MROH1: variants seen among roughly 807,000 people sequenced by gnomAD.
MROH1 encodes the protein maestro heat-like repeat-containing protein family member 1.
Under a neutral mutation model 116.5 loss-of-function variants are expected in MROH1, and 117 were observed. The observed-to-expected ratio is 1.00, with a 90% CI of 0.86 to 1.17. The LOEUF (loss-of-function observed/expected upper bound fraction) is 1.17. Ranked by LOEUF, MROH1 falls within the 50% of genes most tolerant of loss-of-function variation. MROH1 has a pLI of 0.00. For missense variants in MROH1, 1,873 were observed against 1,338.5 expected, an observed-to-expected ratio of 1.40 and a Z score of -6.23; for synonymous variants, 921 against 583.9, an observed-to-expected ratio of 1.58 and a Z score of -8.32.
intron 33 of MROH1, chr8:144,254,375 C>T (rs1843332939): frequency 6.2e-6 from 1 of 161,266 alleles, no homozygotes; most frequent in Admixed American, 6.2e-5. Flanking sequence ...TCTGCAAACG[C>T]TGAGCGTAGC....
intron 31 of MROH1, among the ~76,000 whole-genome samples, chr8:144,248,275 T>G (rs1253836196): frequency 3.3e-5 from 5 of 152,028 alleles, no homozygotes; most frequent in Non-Finnish European, 7.4e-5. Flanking sequence ...AACACAAGCT[T>G]GAGTATTATT....
intron 14 of MROH1, among the ~76,000 whole-genome samples, chr8:144,231,445 A>G (rs1000713234): frequency 6.6e-6 from 1 of 152,178 alleles, no homozygotes; most frequent in Non-Finnish European, 1.5e-5. Flanking sequence ...TTCCTCTCAC[A>G]TGAACACATA....
At chr8:144,212,122 C>T (rs1013949454) in intron 12 of MROH1, among the ~76,000 whole-genome samples, 3 of 150,652 alleles carry the variant, frequency 2.0e-5, no homozygotes, top group African/African-American at 5.0e-5. Flanking sequence ...CTCACTCTGT[C>T]GCCCAGGGTG....
At chr8:144,232,462 CTTTG>C (rs753104982) in intron 14 of MROH1, among the ~76,000 whole-genome samples, 3,564 of 150,796 alleles carry the variant, frequency 0.024, 46 homozygotes, top group Middle Eastern at 0.051. Flanking sequence ...AGATTGAGTG[CTTTG>C]TTTGTTTGTT....
intron 28 of MROH1, 119 bp downstream of exon 28, chr8:144,244,658 T>C: frequency 1.5e-6 from 1 of 688,638 alleles, no homozygotes; most frequent in Non-Finnish European, 2.7e-6. Context: ...TCTCTGCACT[T>C]GGGGGTGGTT....
At position 144,182,167 on chromosome 8, in the gene MROH1, G is replaced by A. The variant is rs1045865259; in HGVS notation, c.562+1644G>A. 3.3e-5 allele frequency among the ~76,000 whole-genome samples: 5 copies of A among 152,246 alleles called. No homozygotes were observed. The highest frequency in any genetic ancestry group is 1.2e-4 in the African/African-American group (5 of 41,470). ...TATCAACCGGGTGAGGCCTAGTGGT[G>A]GGGGCGGTGGCAGGCCTGCGTCCAC... On this transcript the variant is annotated intron_variant, in intron 7 of 43. Coordinates refer to ENST00000326134, the MANE Select transcript of MROH1 (RefSeq NM_032450.3). This position sits in a 1 kb window ranked among gnomAD's most constrained non-coding sequence, Gnocchi z 4.1.
chr8:144,200,704 G>T (rs962809417), intron 12 of MROH1, 163 bp downstream of exon 12: 4 of 619,936 alleles, frequency 6.5e-6, no homozygotes, highest in Admixed American at 2.6e-5. Flanking sequence ...TTTTTGAAAA[G>T]TTGCAAGGGT....
chr8:144,202,049 G>A (rs1461515039), intron 12 of MROH1, among the ~76,000 whole-genome samples: 1 of 151,960 alleles, frequency 6.6e-6, no homozygotes, highest in Non-Finnish European at 1.5e-5. Flanking sequence ...AAAGCAGCAG[G>A]GCCAAGGGAG....
chr8:144,179,329 C>T (rs1824928672), intron 4 of MROH1, 126 bp from the exon 5 acceptor site: 1 of 1,376,538 alleles, frequency 7.3e-7, no homozygotes, highest in South Asian at 1.4e-5. Flanking sequence ...TCAGGTGTAC[C>T]CCTCCCCTCC....
chr8:144,240,903 A>T, intron 20 of MROH1, 89 bp from the exon 21 acceptor site: 1 of 712,004 alleles, frequency 1.4e-6, no homozygotes. Context: ...TGTGGGCAGG[A>T]GGTGCACCCC....
chr8:144,199,827 C>T (rs1005382050), intron 11 of MROH1, among the ~76,000 whole-genome samples: 4 of 152,292 alleles, frequency 2.6e-5, no homozygotes, highest in East Asian at 3.9e-4. Context: ...ACACAAGATC[C>T]GCAGGAGGGG....
At position 144,261,221 on chromosome 8, in the gene MROH1, G is replaced by A. The variant is rs1237279795; in HGVS notation, c.4774+5G>A. ...CTGCTGCACCCCTGTTCACCGGTAA[G>A]CACCACCCCCTGCCCCACCCCCACG... On this transcript the variant is annotated splice_donor_5th_base_variant and intron_variant, in intron 42 of 43. Coordinates refer to ENST00000326134, the MANE Select transcript of MROH1 (RefSeq NM_032450.3). 22 of 763,522 alleles carry A rather than the reference G, an allele frequency of 2.9e-5. No individual in the cohort carries two copies. The Admixed American group carries it at 3.4e-4, about 12-fold the overall frequency. The allele number at this position is 763,522 out of a possible 1,614,324, so 47.3% of individuals were successfully genotyped here.
chr8:144,188,112 T>C (rs935302139), intron 7 of MROH1, among the ~76,000 whole-genome samples: 2 of 152,194 alleles, frequency 1.3e-5, no homozygotes, highest in African/African-American at 4.8e-5. Context: ...TTTAAAGTGA[T>C]TTCTTAAGAT....
chr8:144,258,573 C>T (rs1844367386), intron 35 of MROH1, among the ~76,000 whole-genome samples: 1 of 152,202 alleles, frequency 6.6e-6, no homozygotes, highest in Non-Finnish European at 1.5e-5. Flanking sequence ...CACCTCCAAG[C>T]CAACATCTGC....
intron 4 of MROH1, among the ~76,000 whole-genome samples, chr8:144,169,478 A>T (rs1821882672): frequency 6.9e-6 from 1 of 144,240 alleles, no homozygotes; most frequent in Non-Finnish European, 1.5e-5. Context: ...TTTGAGATGG[A>T]GTCTCACTCT....
At chr8:144,250,652 A>G (rs1842700367) in intron 33 of MROH1, 1 of 509,854 alleles carries the variant, frequency 2.0e-6, no homozygotes, top group Admixed American at 3.2e-5. Context: ...TAAGGTCCCA[A>G]AACTGCCTGG....
Position 144,180,530 on chromosome 8 carries a change from G to T in MROH1, c.562+7G>T. ...CGCGTGGCCTTCTGCTCCGGTAAGA[G>T]GCGGCCTCGTCACCTTCTGTCTCAA... On this transcript the variant is annotated splice_region_variant and intron_variant, in intron 7 of 43. Transcript: ENST00000326134. This position sits in a 1 kb window ranked among gnomAD's most constrained non-coding sequence, Gnocchi z 7.4. The T allele has an allele frequency of 6.2e-7, 1 of 1,607,586 alleles. No individual in the cohort carries two copies.
intron 10 of MROH1, among the ~76,000 whole-genome samples, chr8:144,195,530 CAG>C (rs1318335568): frequency 2.4e-5 from 3 of 124,520 alleles, no homozygotes; most frequent in Non-Finnish European, 5.0e-5. Flanking sequence ...AAAAAAGAAA[CAG>C]AGTCTCACTC....
chr8:144,191,292 A>G (rs761196755), intron 8 of MROH1, among the ~76,000 whole-genome samples: 22 of 152,010 alleles, frequency 1.4e-4, no homozygotes, highest in Non-Finnish European at 2.5e-4. Flanking sequence ...CTGGTCTCGA[A>G]CTCCTGACCT....
Sources: allele counts gnomAD v4.1 joint callset (sites outside exome capture counted in the v4.1 genomes callset), GRCh38; gene constraint gnomAD v4.1.1; non-coding constraint Gnocchi (gnomAD v3.1); transcripts MANE v1.5; gene names NCBI Gene and HGNC (gene_info 2026-07-23, HGNC 2026-07-21).